DLG2: variants seen among roughly 807,000 people sequenced by gnomAD.
DLG2 encodes disks large homolog 2.
DLG2 carries 45 observed loss-of-function variants against 132.5 expected under a neutral mutation model. That is an observed-to-expected ratio of 0.34 (90% CI 0.27 to 0.44). DLG2 has a LOEUF of 0.44. DLG2 is among the 20% of genes least tolerant of loss of function. The pLI, the probability that DLG2 is intolerant of heterozygous loss-of-function variation, is 1.00. For missense variants in DLG2, 1,045 were observed against 1,196.9 expected, an observed-to-expected ratio of 0.87 and a Z score of 1.87; for synonymous variants, 424 against 419.6, an observed-to-expected ratio of 1.01 and a Z score of -0.13.
intron 10 of DLG2, among the ~76,000 whole-genome samples, chr11:84,093,583 G>A (rs1426827959): frequency 6.6e-6 from 1 of 152,002 alleles, no homozygotes; most frequent in Non-Finnish European, 1.5e-5. Context: ...TATGGATTAT[G>A]GTATAGAATC....
chr11:83,700,943 CAAAAT>C (rs1316375900), intron 18 of DLG2, among the ~76,000 whole-genome samples: 1 of 152,114 alleles, frequency 6.6e-6, no homozygotes, highest in Non-Finnish European at 1.5e-5. Context: ...AAGTGGCTGA[CAAAAT>C]AAAGACTAAT....
chr11:83,701,067 A>T (rs1592704059), intron 18 of DLG2, among the ~76,000 whole-genome samples: 1 of 152,186 alleles, frequency 6.6e-6, no homozygotes, highest in African/African-American at 2.4e-5. Flanking sequence ...GCTTTGTTAG[A>T]TGCTTCTTTA....
chr11:85,051,613 G>A (rs7131501), intron 6 of DLG2, among the ~76,000 whole-genome samples: 76,491 of 151,912 alleles, frequency 0.5, 19,596 homozygotes, highest in East Asian at 0.65. Flanking sequence ...ATATTAGAAG[G>A]AGGCGTGGAA....
At chr11:83,586,923 A>G (rs183148002) in intron 19 of DLG2, among the ~76,000 whole-genome samples, 2 of 152,358 alleles carry the variant, frequency 1.3e-5, no homozygotes, top group East Asian at 3.9e-4. Context: ...CGAAGTTGGT[A>G]GCAGAGCAAT....
intron 4 of DLG2, among the ~76,000 whole-genome samples, chr11:85,193,361 T>C (rs1431723459): frequency 6.6e-6 from 1 of 152,206 alleles, no homozygotes. Flanking sequence ...TTATGAATAA[T>C]GCTGCTATGA....
intron 6 of DLG2, among the ~76,000 whole-genome samples, chr11:84,862,671 G>T (rs919814348): frequency 5.3e-5 from 8 of 151,986 alleles, no homozygotes; most frequent in Non-Finnish European, 1.2e-4. Flanking sequence ...CCTTTGCAGG[G>T]ACCTGGATGA....
intron 4 of DLG2, among the ~76,000 whole-genome samples, chr11:85,225,559 C>A (rs2074924429): frequency 6.6e-6 from 1 of 152,074 alleles, no homozygotes; most frequent in Admixed American, 6.6e-5. Context: ...GTCCCAGTTT[C>A]TTTTGTACTT....
chr11:84,040,134 G>T (rs935791829), intron 11 of DLG2, among the ~76,000 whole-genome samples: 12 of 150,932 alleles, frequency 8.0e-5, no homozygotes, highest in African/African-American at 2.9e-4. Context: ...TTTGTCAGAT[G>T]AGTAGGTTGT....
chr11:83,625,375 C>T (rs2062341380), intron 19 of DLG2, among the ~76,000 whole-genome samples: 1 of 152,218 alleles, frequency 6.6e-6, no homozygotes, highest in East Asian at 1.9e-4. Flanking sequence ...TCTTTATCAT[C>T]CCCAGGATAC....
intron 14 of DLG2, among the ~76,000 whole-genome samples, chr11:83,931,395 CATT>C (rs1298998293): frequency 2.0e-5 from 3 of 152,132 alleles, no homozygotes; most frequent in African/African-American, 4.8e-5. Context: ...ATTTCGGTAA[CATT>C]GTTGTTTCTG....
intron 19 of DLG2, among the ~76,000 whole-genome samples, chr11:83,605,808 A>AATGTGAGAACTTC (rs1244626529): frequency 6.6e-6 from 1 of 152,246 alleles, no homozygotes; most frequent in Non-Finnish European, 1.5e-5. Context: ...ATTGTCCACA[A>AATGTGAGAACTTC]ATGTGAGAAC....
At chr11:84,523,894 GA>G (rs1185205274) in intron 7 of DLG2, among the ~76,000 whole-genome samples, 1 of 151,868 alleles carries the variant, frequency 6.6e-6, no homozygotes, top group African/African-American at 2.4e-5. Context: ...ATATTTCTTA[GA>G]AAAAATTCAT....
At chr11:85,444,771 A>C (rs1244231368) in intron 3 of DLG2, among the ~76,000 whole-genome samples, 1 of 152,326 alleles carries the variant, frequency 6.6e-6, no homozygotes, top group East Asian at 1.9e-4. Flanking sequence ...TATGCTTCTA[A>C]TACATTTACT....
chr11:83,596,890 C>A (rs1249340903), intron 19 of DLG2, among the ~76,000 whole-genome samples: 2 of 152,164 alleles, frequency 1.3e-5, no homozygotes, highest in Admixed American at 6.5e-5. Context: ...TGAGAATCGA[C>A]CTAATCTAAA....
chr11:85,395,316 G>A (rs960778680), intron 3 of DLG2, among the ~76,000 whole-genome samples: 1 of 152,158 alleles, frequency 6.6e-6, no homozygotes, highest in East Asian at 1.9e-4. Flanking sequence ...AACAGCTCTG[G>A]TCTGCAGCTC....
chr11:83,962,448 C>T (rs1305142542), intron 14 of DLG2, among the ~76,000 whole-genome samples: 2 of 151,928 alleles, frequency 1.3e-5, no homozygotes, highest in African/African-American at 4.8e-5. Context: ...AATGTAATGA[C>T]CAGTTAAAGA....
At chr11:83,823,939 C>G (rs1442563942) in intron 17 of DLG2, among the ~76,000 whole-genome samples, 5 of 152,068 alleles carry the variant, frequency 3.3e-5, no homozygotes, top group Admixed American at 2.6e-4. Context: ...AGTAAACTGC[C>G]AAATTCAATT....
At chr11:83,770,089 AACTAAATTATC>A (rs71463183) in intron 18 of DLG2, among the ~76,000 whole-genome samples, 25,474 of 152,012 alleles carry the variant, frequency 0.17, 2,202 homozygotes, top group Middle Eastern at 0.25. Context: ...TGTTGATTCC[AACTAAATTATC>A]ACCAGGGCTG....
chr11:83,561,476 T>G (rs1370929072), intron 19 of DLG2, among the ~76,000 whole-genome samples: 1 of 152,208 alleles, frequency 6.6e-6, no homozygotes, highest in Non-Finnish European at 1.5e-5. Context: ...AGACTGCAAG[T>G]AAAGAGTCTC....
Sources: allele counts gnomAD v4.1 joint callset (sites outside exome capture counted in the v4.1 genomes callset), GRCh38; gene constraint gnomAD v4.1.1; transcripts MANE v1.5; gene names NCBI Gene and HGNC (gene_info 2026-07-23, HGNC 2026-07-21).